The following BBS9 variants were observed in gnomAD, a reference collection of about 807,000 sequenced individuals.
The protein encoded by BBS9 is Bardet-Biedl syndrome 9, also known as protein PTHB1.
In BBS9, 89 loss-of-function variants were observed where a neutral mutation model predicts 117.7. That is an observed-to-expected ratio of 0.76 (90% CI 0.64 to 0.90). The LOEUF (loss-of-function observed/expected upper bound fraction) is 0.90. BBS9 is among the 40% of genes least tolerant of loss of function. The pLI is 0.00. For synonymous variants in BBS9, 379 were observed against 370.9 expected (o/e 1.02, Z -0.25); for missense variants, 982 against 1,042.2 (o/e 0.94, Z 0.80).
At chr7:33,565,844 T>TATGTATATA (rs5883407) in intron 21 of BBS9, among the ~76,000 whole-genome samples, 3 of 80,034 alleles carry the variant, frequency 3.7e-5, no homozygotes, top group African/African-American at 1.5e-4. Flanking sequence ...TATATACTGC[T>TATGTATATA]TATATATATA....
In BBS9 at chr7:33,206,012, C is replaced by T. The variant is rs143006211; in HGVS notation, c.442+28421C>T. On this transcript the variant is annotated intron_variant, in intron 5 of 22. Transcript: ENST00000242067. ...GCTTTGTCCTTCACTGGCACTCCAT[C>T]CCACATTGCAGCAGTGATCATTTTA... Among the ~76,000 whole-genome samples, 1,251 of 152,330 alleles carry T rather than the reference C, an allele frequency of 8.2e-3. 14 individuals are homozygous for T. Among genetic ancestry groups the T allele is most frequent in the South Asian group, 0.04 (194 of 4,830 alleles).
intron 19 of BBS9, among the ~76,000 whole-genome samples, chr7:33,462,053 A>T (rs189682743): frequency 1.3e-5 from 2 of 152,156 alleles, no homozygotes; most frequent in Admixed American, 1.3e-4. Context: ...AAACATGAAG[A>T]TGTATAGTTT....
rs138972197 is a variant in BBS9 at position 33,492,203 on chromosome 7, G to GAAAA, written c.2116-13253_2116-13250dup. On this transcript the variant is annotated intron_variant, in intron 19 of 22. Transcript: ENST00000242067. Reference sequence around the variant, plus strand: ...GGGTGACAAAGCAAGATTCCACCTCGAAAAAAAAAACAAAAAAAAAACAAA... The same window carrying GAAAA: ...GGGTGACAAAGCAAGATTCCACCTCGAAAAAAAAAAAAAACAAAAAAAAAACAAA... 7.5e-4 allele frequency among the ~76,000 whole-genome samples: 54 copies of GAAAA among 72,364 alleles called. 2 individuals carry two copies. Among genetic ancestry groups the GAAAA allele is most frequent in the East Asian group, 3.1e-3 (7 of 2,242 alleles). The allele number at this position is 72,364 out of a possible 152,430, so 47.5% of individuals were successfully genotyped here.
At chr7:33,452,349 C>G (rs1838008725) in intron 19 of BBS9, among the ~76,000 whole-genome samples, 1 of 152,088 alleles carries the variant, frequency 6.6e-6, no homozygotes, top group African/African-American at 2.4e-5. Flanking sequence ...TCCACAATGA[C>G]ACTCTCTTTT....
chr7:33,410,503 C>T (rs1830920480), intron 19 of BBS9, among the ~76,000 whole-genome samples: 1 of 152,162 alleles, frequency 6.6e-6, no homozygotes, highest in Non-Finnish European at 1.5e-5. Context: ...CTGTCACTCT[C>T]CCAGGAGACA....
chr7:33,485,017 G>T (rs184438626), intron 19 of BBS9, among the ~76,000 whole-genome samples: 1 of 152,160 alleles, frequency 6.6e-6, no homozygotes, highest in Non-Finnish European at 1.5e-5. Flanking sequence ...GCTAGAAGCC[G>T]TTATCCTCAG....
At chr7:33,500,685 C>G (rs1030488289) in intron 19 of BBS9, among the ~76,000 whole-genome samples, 1 of 152,168 alleles carries the variant, frequency 6.6e-6, no homozygotes, top group African/African-American at 2.4e-5. Context: ...GAGGCAGATT[C>G]AATGGTAAGT....
At chr7:33,453,556 T>G (rs1184004168) in intron 19 of BBS9, among the ~76,000 whole-genome samples, 1 of 151,846 alleles carries the variant, frequency 6.6e-6, no homozygotes, top group African/African-American at 2.4e-5. Context: ...AGTTTTGCTC[T>G]TGTTGCCCAG....
intron 17 of BBS9, among the ~76,000 whole-genome samples, chr7:33,377,288 T>C (rs1824075162): frequency 6.6e-6 from 1 of 152,000 alleles, no homozygotes; most frequent in Non-Finnish European, 1.5e-5. Flanking sequence ...TCCAGCACCA[T>C]TTGCGTGTTT....
At chr7:33,152,152 G>A (rs979972680) in intron 2 of BBS9, among the ~76,000 whole-genome samples, 1 of 152,112 alleles carries the variant, frequency 6.6e-6, no homozygotes, top group African/African-American at 2.4e-5. Context: ...TTCCAAATCA[G>A]GTCACATTCA....
At chr7:33,192,668 A>G (rs1784316903) in intron 5 of BBS9, among the ~76,000 whole-genome samples, 1 of 152,208 alleles carries the variant, frequency 6.6e-6, no homozygotes, top group Non-Finnish European at 1.5e-5. Context: ...CTATACCAAA[A>G]CACCTGAGAC....
At chr7:33,344,090 T>G (rs888546083) in intron 11 of BBS9, among the ~76,000 whole-genome samples, 2 of 138,526 alleles carry the variant, frequency 1.4e-5, no homozygotes, top group African/African-American at 2.8e-5. Flanking sequence ...TTTTTTTTTT[T>G]TTTTTTTTTT....
At chr7:33,202,772 T>C (rs10271927) in intron 5 of BBS9, among the ~76,000 whole-genome samples, 42,232 of 152,080 alleles carry the variant, frequency 0.28, 6,596 homozygotes, top group Admixed American at 0.42. Flanking sequence ...TCCTCCAACA[T>C]TGGGGATTAC....
At chr7:33,367,065 TA>T (rs1219994567) in intron 16 of BBS9, among the ~76,000 whole-genome samples, 3 of 152,158 alleles carry the variant, frequency 2.0e-5, no homozygotes, top group African/African-American at 7.2e-5. Context: ...GGCTGAAAAA[TA>T]GATATTTTGT....
chr7:33,345,842 A>G (rs1416916836), intron 12 of BBS9, among the ~76,000 whole-genome samples: 1 of 152,170 alleles, frequency 6.6e-6, no homozygotes, highest in Non-Finnish European at 1.5e-5. Context: ...GTTAATTGCA[A>G]TAAGAGATCT....
At chr7:33,356,275 T>C (rs1215758246) in intron 15 of BBS9, among the ~76,000 whole-genome samples, 3 of 151,814 alleles carry the variant, frequency 2.0e-5, no homozygotes, top group Non-Finnish European at 4.4e-5. Flanking sequence ...TTCCTTGAAG[T>C]TGGAGAAAGT....
intron 21 of BBS9, among the ~76,000 whole-genome samples, chr7:33,580,642 G>A (rs1404886605): frequency 6.6e-6 from 1 of 152,148 alleles, no homozygotes; most frequent in Non-Finnish European, 1.5e-5. Context: ...TATTCTGGAA[G>A]GTTGTTAAAG....
chr7:33,359,407 A>T (rs551163400), intron 16 of BBS9, among the ~76,000 whole-genome samples: 4 of 152,132 alleles, frequency 2.6e-5, no homozygotes, highest in African/African-American at 9.6e-5. Context: ...GTACTAAAGA[A>T]AGCTTAGATG....
At chr7:33,574,715 A>ATG (rs1858454284) in intron 21 of BBS9, among the ~76,000 whole-genome samples, 1 of 147,446 alleles carries the variant, frequency 6.8e-6, no homozygotes, top group East Asian at 2.0e-4. Context: ...ACACACACAC[A>ATG]CACACACACA....
Sources: gnomAD v4.1 joint callset for allele counts (sites outside exome capture counted in the v4.1 genomes callset) on GRCh38, gnomAD v4.1.1 for gene constraint, MANE v1.5 for transcripts, NCBI Gene and HGNC (gene_info 2026-07-23, HGNC 2026-07-21) for gene names.